The following EXD1 variants were observed in gnomAD, a reference collection of about 807,000 sequenced individuals.
EXD1 encodes the protein exonuclease 3'-5' domain containing 1, also known as piRNA biogenesis protein EXD1.
A neutral mutation model predicts 49.1 loss-of-function variants in EXD1; 63 were observed. The ratio of observed to expected loss-of-function variants is 1.28; its 90% CI spans 1.05 to 1.58. The LOEUF is 1.58. Ranked by LOEUF, EXD1 falls within the 40% of genes most tolerant of loss-of-function variation. The pLI, the probability that EXD1 is intolerant of heterozygous loss-of-function variation, is 0.00. For missense variants in EXD1, 748 were observed against 666.0 expected (o/e 1.12, Z -1.36); for synonymous variants, 234 against 239.2 (o/e 0.98, Z 0.20).
At chr15:41,193,889 G>A (rs1338076578) in intron 9 of EXD1, among the ~76,000 whole-genome samples, 1 of 151,742 alleles carries the variant, frequency 6.6e-6, no homozygotes, top group Non-Finnish European at 1.5e-5. Flanking sequence ...ATAACCACAG[G>A]AACCTGTATC....
chr15:41,211,131 C>T (rs1040322389), intron 6 of EXD1, among the ~76,000 whole-genome samples: 1 of 152,060 alleles, frequency 6.6e-6, no homozygotes, highest in African/African-American at 2.4e-5. Flanking sequence ...GAGTGCAGAT[C>T]ATAGCTCACT....
chr15:41,199,748 T>TTG (rs1595436620), intron 7 of EXD1, among the ~76,000 whole-genome samples: 2 of 10,842 alleles, frequency 1.8e-4, no homozygotes, highest in African/African-American at 3.3e-4. Flanking sequence ...TGTCATATAT[T>TTG]ATATATGATA....
At chr15:41,186,298 C>G (rs1354038139) in intron 11 of EXD1, among the ~76,000 whole-genome samples, 2 of 151,714 alleles carry the variant, frequency 1.3e-5, no homozygotes, top group Non-Finnish European at 2.9e-5. Flanking sequence ...ATGGCCAAAC[C>G]CCATCTCTAC....
intron 9 of EXD1, chr15:41,192,336 C>T (rs2046533738): frequency 6.6e-6 from 1 of 152,220 alleles, no homozygotes; most frequent in Admixed American, 6.6e-5. Context: ...TCCTCTGTCG[C>T]CCAGAGCTGG....
chr15:41,221,658 C>T (rs1244297454), intron 2 of EXD1, among the ~76,000 whole-genome samples: 1 of 151,826 alleles, frequency 6.6e-6, no homozygotes, highest in Non-Finnish European at 1.5e-5. Context: ...CTTCTGCTTG[C>T]CCCTCATACA....
chr15:41,229,527 G>A (rs1204415959), intron 1 of EXD1, among the ~76,000 whole-genome samples: 1 of 152,140 alleles, frequency 6.6e-6, no homozygotes, highest in Non-Finnish European at 1.5e-5. Flanking sequence ...ACAGCACTTT[G>A]GGAGGCTGAA....
At chr15:41,190,424 T>C in intron 10 of EXD1, 1 of 355,236 alleles carries the variant, frequency 2.8e-6, no homozygotes, top group Non-Finnish European at 5.5e-6. Flanking sequence ...AGGGTTGCAG[T>C]AAGCTGAGAT....
At chr15:41,217,395 A>G (rs1176856114) in intron 3 of EXD1, among the ~76,000 whole-genome samples, 6 of 152,108 alleles carry the variant, frequency 3.9e-5, no homozygotes, top group Non-Finnish European at 5.9e-5. Flanking sequence ...GATTAGGAAC[A>G]TTTCTATACA....
chr15:41,203,683 G>A (rs183676308), intron 7 of EXD1, among the ~76,000 whole-genome samples: 8 of 150,894 alleles, frequency 5.3e-5, no homozygotes, highest in African/African-American at 1.5e-4. Flanking sequence ...TTGAGAGACC[G>A]AGGTGGGTGG....
At chr15:41,219,750 C>T (rs1233147406) in intron 3 of EXD1, 80 bp downstream of exon 3, 1 of 1,194,834 alleles carries the variant, frequency 8.4e-7, no homozygotes, top group Non-Finnish European at 1.2e-6. Context: ...AATCCATAAG[C>T]ACAACATTAA....
chr15:41,222,022 C>T (rs902118490), intron 2 of EXD1, among the ~76,000 whole-genome samples: 2 of 151,826 alleles, frequency 1.3e-5, no homozygotes, highest in African/African-American at 4.8e-5. Context: ...ATTGCTTGAA[C>T]CCAGGCGTCA....
intron 7 of EXD1, among the ~76,000 whole-genome samples, chr15:41,196,820 G>A (rs2046621705): frequency 6.6e-6 from 1 of 151,822 alleles, no homozygotes; most frequent in African/African-American, 2.4e-5. Context: ...ACCCGTATCA[G>A]CCTCCCAAAA....
At chr15:41,222,808 C>T (rs527606613) in intron 2 of EXD1, among the ~76,000 whole-genome samples, 7 of 151,084 alleles carry the variant, frequency 4.6e-5, no homozygotes, top group African/African-American at 9.7e-5. Context: ...TGGTGGCACA[C>T]GCCTGTAGTC....
intron 5 of EXD1, among the ~76,000 whole-genome samples, chr15:41,216,191 A>C (rs2046996392): frequency 6.6e-6 from 1 of 152,092 alleles, no homozygotes; most frequent in African/African-American, 2.4e-5. Flanking sequence ...ATTTTATCTT[A>C]ATTCAGAACC....
At chr15:41,194,463 C>G (rs2046579936) in intron 9 of EXD1, among the ~76,000 whole-genome samples, 1 of 152,070 alleles carries the variant, frequency 6.6e-6, no homozygotes, top group Admixed American at 6.6e-5. Flanking sequence ...CCACTAGAAG[C>G]TGAAAAAGGC....
In EXD1 at chr15:41,203,916, C is replaced by CAAAAAAAAAAAA. The variant is rs1187093511; in HGVS notation, c.534+5573_534+5584dup. ...TGGGCAAAAGAGCAAGACTTCTCCT[C>CAAAAAAAAAAAA]AAAAAAAAAAAAAAAAAAAAAAAAA... On this transcript the variant is annotated intron_variant, in intron 7 of 11. Transcript: ENST00000458580. 7.3e-4 allele frequency among the ~76,000 whole-genome samples: 17 copies of CAAAAAAAAAAAA among 23,242 alleles called. 1 individual carries two copies. The highest frequency in any genetic ancestry group is 3.8e-3 in the African/African-American group (14 of 3,650). 15.2% of individuals were successfully genotyped at this position (23,242 alleles called of 152,430 possible).
At chr15:41,206,775 C>T (rs953917983) in intron 7 of EXD1, among the ~76,000 whole-genome samples, 6 of 150,050 alleles carry the variant, frequency 4.0e-5, no homozygotes, top group African/African-American at 1.5e-4. Context: ...GCATGCGCCA[C>T]CACGCCTGGC....
rs764132708 is a variant in EXD1, at chr15:41,209,521, C to G, written c.514G>C (p.Gly172Arg). ...AAEGANVCRH[G>R]KLCWLQVATN... is the part of the protein sequence containing the mutation. ...TTCACCTGCAGCCAGCACAGTTTGC[C>G]ATGGCGACATACATTCGCTCCTTCT... The change falls in exon 7 of 12, where the codon GGC becomes CGC. Residue 172 changes from glycine (G) to arginine (R), a missense_variant. By Grantham distance (125) the Gly-to-Arg change is moderately radical. Transcript: ENST00000458580. 1 of 1,614,038 alleles carries G rather than the reference C, an allele frequency of 6.2e-7. No homozygotes were observed. Among genetic ancestry groups the G allele is most frequent in the East Asian group, 2.2e-5 (1 of 44,896 alleles).
At chr15:41,211,850 T>A (rs1028362855) in intron 6 of EXD1, among the ~76,000 whole-genome samples, 1 of 149,910 alleles carries the variant, frequency 6.7e-6, no homozygotes, top group Non-Finnish European at 1.5e-5. Context: ...TAGTCCAAGT[T>A]ACTCAGGAGG....
Sources: gnomAD v4.1 joint callset for allele counts (sites outside exome capture counted in the v4.1 genomes callset) on GRCh38, gnomAD v4.1.1 for gene constraint, MANE v1.5 for transcripts, NCBI Gene and HGNC (gene_info 2026-07-23, HGNC 2026-07-21) for gene names.